The following ASMT variants were observed in gnomAD, a reference collection of about 807,000 sequenced individuals.
ASMT encodes acetylserotonin N-methyltransferase.
A neutral mutation model predicts 41.3 loss-of-function variants in ASMT; 53 were observed. The observed-to-expected ratio is 1.28, with a 90% CI of 1.03 to 1.61. ASMT has a LOEUF of 1.61. ASMT is among the 40% of genes most tolerant of loss of function. The pLI, the probability that ASMT is intolerant of heterozygous loss-of-function variation, is 0.00. For synonymous variants in ASMT, 231 were observed against 184.8 expected, an observed-to-expected ratio of 1.25 and a Z score of -2.03; for missense variants, 531 against 441.3, an observed-to-expected ratio of 1.20 and a Z score of -1.82.
intron 5 of ASMT, among the ~76,000 whole-genome samples, chrX:1,632,222 G>A (rs1404980897): frequency 6.6e-6 from 1 of 152,078 alleles, no homozygotes; most frequent in Non-Finnish European, 1.5e-5. Context: ...CAGGTGCGCC[G>A]GCTTCAAGAA....
In ASMT at chrX:1,629,956, A is replaced by T; in HGVS notation, c.562+17A>T. On this transcript the variant is annotated intron_variant, in intron 5 of 8. Transcript: ENST00000381241. ...ACCTTGGTGGTAAGTACCCCTCACC[A>T]CTAATACCTCGGAGGTGTGGCTTCT... 1 of 1,586,234 alleles carries T rather than the reference A, an allele frequency of 6.3e-7. No homozygotes were observed. Among genetic ancestry groups the T allele is most frequent in the Non-Finnish European group, 8.7e-7 (1 of 1,154,602 alleles).
At chrX:1,636,811 T>C (rs760543520) in intron 8 of ASMT, among the ~76,000 whole-genome samples, 1 of 152,282 alleles carries the variant, frequency 6.6e-6, no homozygotes, top group Non-Finnish European at 1.5e-5. Flanking sequence ...GGTGAAATTC[T>C]TTCAGAATTA....
intron 1 of ASMT, among the ~76,000 whole-genome samples, chrX:1,616,699 C>G (rs1482807561): frequency 6.0e-5 from 9 of 151,100 alleles, no homozygotes; most frequent in Admixed American, 2.0e-4. Flanking sequence ...GTGAGACCCC[C>G]CATTTCTACA....
chrX:1,631,166 C>G (rs184385794), intron 5 of ASMT, among the ~76,000 whole-genome samples: 1 of 151,264 alleles, frequency 6.6e-6, no homozygotes, highest in Middle Eastern at 3.2e-3. Flanking sequence ...CACCCGCCTC[C>G]GCCTCCCAAA....
At chrX:1,626,138 T>C (rs1193921836) in intron 3 of ASMT, among the ~76,000 whole-genome samples, 1 of 151,784 alleles carries the variant, frequency 6.6e-6, no homozygotes, top group Non-Finnish European at 1.5e-5. Flanking sequence ...GGTGATTCTC[T>C]CCAGAACGTA....
rs1487548084 is a variant in ASMT at position 1,636,050 on chromosome X, G to A, written c.788-388G>A. ...GGCTCACTGCAAGCTCCGCCTCCCGGGTTCATGCCATTCTCCTGCCTCAGC... is the reference window on the plus strand; with the variant it reads ...GGCTCACTGCAAGCTCCGCCTCCCGAGTTCATGCCATTCTCCTGCCTCAGC... On this transcript the variant is annotated intron_variant, in intron 7 of 8. Coordinates refer to ENST00000381241, the MANE Select transcript of ASMT (RefSeq NM_001171038.2). Among the ~76,000 whole-genome samples the A allele has an allele frequency of 2.7e-5, 4 of 150,398 alleles. No individual in the cohort carries two copies. In the East Asian group the frequency reaches 8.0e-4, roughly 30 times the overall value.
At chrX:1,625,676 C>T (rs143414586) in intron 3 of ASMT, among the ~76,000 whole-genome samples, 7,601 of 151,432 alleles carry the variant, frequency 0.05, 595 homozygotes, top group African/African-American at 0.17. Context: ...TCTGGGTGGC[C>T]GGACGCAGTA....
Position 1,624,412 on chromosome X carries a change from C to T in ASMT, c.374+14C>T. ...AGACGCCGTGAGGTGGGGGCTGCCCCCAGGCAGATGCTGGGAGGTGGTGGC... is the reference window on the plus strand; with the variant it reads ...AGACGCCGTGAGGTGGGGGCTGCCCTCAGGCAGATGCTGGGAGGTGGTGGC... On this transcript the variant is annotated intron_variant, in intron 3 of 8. Coordinates refer to ENST00000381241, the MANE Select transcript of ASMT (RefSeq NM_001171038.2). 8 of 1,609,212 alleles carry T rather than the reference C, an allele frequency of 5.0e-6. No individual in the cohort carries two copies. The highest frequency in any genetic ancestry group is 5.9e-6 in the Non-Finnish European group (7 of 1,177,284).
intron 5 of ASMT, among the ~76,000 whole-genome samples, chrX:1,632,230 G>GTT (rs1934802757): frequency 6.6e-6 from 1 of 152,134 alleles, no homozygotes; most frequent in Non-Finnish European, 1.5e-5. Context: ...CCGGCTTCAA[G>GTT]AACACACAGT....
At chrX:1,615,984 G>C (rs1569367581) in intron 1 of ASMT, among the ~76,000 whole-genome samples, 1 of 152,116 alleles carries the variant, frequency 6.6e-6, no homozygotes, top group Non-Finnish European at 1.5e-5. Context: ...GTTTATCATA[G>C]AGGTGAGTTT....
intron 3 of ASMT, among the ~76,000 whole-genome samples, chrX:1,625,809 C>G (rs1168990370): frequency 2.6e-5 from 4 of 151,418 alleles, no homozygotes; most frequent in Non-Finnish European, 5.9e-5. Context: ...AAAAAATTAG[C>G]CGGGCGTGGT....
rs1281110773 is a variant in ASMT at position 1,628,277 on chromosome X, C to T, written c.443+506C>T. ...CGGAGGTTGCGGTGATCTGAGATCG[C>T]ACCACTGCACTCCAGCCTGGGCAAC... On this transcript the variant is annotated intron_variant, in intron 4 of 8. Coordinates refer to ENST00000381241, the MANE Select transcript of ASMT (RefSeq NM_001171038.2). Among the ~76,000 whole-genome samples, 247 of 152,242 alleles carry T rather than the reference C, an allele frequency of 1.6e-3. 2 individuals carry two copies. Among genetic ancestry groups the T allele is most frequent in the African/African-American group, 5.2e-3 (215 of 41,542 alleles).
intron 4 of ASMT, chrX:1,627,979 G>C: frequency 1.6e-6 from 1 of 636,794 alleles, no homozygotes; most frequent in Non-Finnish European, 2.8e-6. Context: ...GGTGCAACGT[G>C]ACCCTTCCTT....
intron 1 of ASMT, 48 bp from the exon 2 acceptor site, chrX:1,623,091 T>G: frequency 6.2e-7 from 1 of 1,607,684 alleles, no homozygotes; most frequent in South Asian, 1.1e-5. Flanking sequence ...AAGACTGTGG[T>G]TCCCAGGAGG....
At chrX:1,622,535 C>G (rs1934373184) in intron 1 of ASMT, among the ~76,000 whole-genome samples, 1 of 151,700 alleles carries the variant, frequency 6.6e-6, no homozygotes, top group South Asian at 2.1e-4. Flanking sequence ...AGGTGATCCA[C>G]CCACCTCCCA....
intron 7 of ASMT, among the ~76,000 whole-genome samples, chrX:1,634,786 C>A (rs6644640): frequency 0.012 from 1,860 of 151,402 alleles, 41 homozygotes; most frequent in African/African-American, 0.043. Context: ...GCCTCAGCCT[C>A]CTAAGTAGCT....
intron 6 of ASMT, 75 bp downstream of exon 6, chrX:1,632,862 GGGCTGGGA>G (rs1248626257): frequency 1.9e-6 from 1 of 525,854 alleles, no homozygotes; most frequent in Admixed American, 3.2e-5. Context: ...AGGGCCTGGG[GGGCTGGGA>G]GGCTGGGGGA....
chrX:1,619,071 A>C (rs1396549207), intron 1 of ASMT, among the ~76,000 whole-genome samples: 1 of 152,184 alleles, frequency 6.6e-6, no homozygotes, highest in Admixed American at 6.6e-5. Flanking sequence ...TCATAGACCA[A>C]GAGTGAATAT....
chrX:1,618,315 C>A (rs772927802), intron 1 of ASMT, among the ~76,000 whole-genome samples: 2 of 152,266 alleles, frequency 1.3e-5, no homozygotes, highest in Admixed American at 1.3e-4. Context: ...AGGCGTCCAC[C>A]ACCACGCCCG....
Sources: gnomAD v4.1 joint callset for allele counts (sites outside exome capture counted in the v4.1 genomes callset) on GRCh38, gnomAD v4.1.1 for gene constraint, MANE v1.5 for transcripts, NCBI Gene and HGNC (gene_info 2026-07-23, HGNC 2026-07-21) for gene names.